ADCY9: variants seen among roughly 807,000 people sequenced by gnomAD.
ADCY9 encodes the protein adenylate cyclase 9.
A neutral mutation model predicts 101.5 loss-of-function variants in ADCY9; 50 were observed. The observed-to-expected ratio is 0.49, with a 90% CI of 0.39 to 0.62. ADCY9 has a LOEUF of 0.62. Among genes scored for constraint, ADCY9 ranks in the 20% least tolerant of loss-of-function variants. The pLI, the probability that ADCY9 is intolerant of heterozygous loss-of-function variation, is 0.00. For missense variants in ADCY9, 1,662 were observed against 1,800.4 expected, an observed-to-expected ratio of 0.92 and a Z score of 1.39; for synonymous variants, 905 against 769.3, an observed-to-expected ratio of 1.18 and a Z score of -2.92.
At chr16:3,975,487 C>T (rs1475552467) in intron 9 of ADCY9, among the ~76,000 whole-genome samples, 1 of 152,180 alleles carries the variant, frequency 6.6e-6, no homozygotes, top group Non-Finnish European at 1.5e-5. Context: ...CACCCCGTGC[C>T]TACTCCGTCT....
At chr16:4,023,460 T>C (rs570809221) in intron 2 of ADCY9, among the ~76,000 whole-genome samples, 1 of 151,690 alleles carries the variant, frequency 6.6e-6, no homozygotes, top group African/African-American at 2.4e-5. Context: ...GGTGTAGGTC[T>C]GGGGAAGGCA....
chr16:4,030,303 C>T (rs58484364), intron 2 of ADCY9, among the ~76,000 whole-genome samples: 9 of 152,118 alleles, frequency 5.9e-5, no homozygotes, highest in Admixed American at 2.6e-4. Flanking sequence ...GTGATATGAC[C>T]GAGAAGGCAC....
At chr16:3,990,837 T>G (rs1161537200) in intron 5 of ADCY9, among the ~76,000 whole-genome samples, 1 of 152,212 alleles carries the variant, frequency 6.6e-6, no homozygotes, top group African/African-American at 2.4e-5. Flanking sequence ...CTCGCTCTGT[T>G]GCCCAGGCTG....
intron 6 of ADCY9, among the ~76,000 whole-genome samples, chr16:3,985,828 G>A (rs1688431987): frequency 6.6e-6 from 1 of 152,096 alleles, no homozygotes; most frequent in South Asian, 2.1e-4. Flanking sequence ...CCCTGCCACA[G>A]CCTCCCCCTC....
chr16:3,989,680 T>G (rs994938951), intron 5 of ADCY9, among the ~76,000 whole-genome samples: 1 of 152,200 alleles, frequency 6.6e-6, no homozygotes, highest in Non-Finnish European at 1.5e-5. Context: ...AGGCTTGTTT[T>G]TGAAAACACA....
chr16:4,069,598 T>C (rs889517254), intron 2 of ADCY9, among the ~76,000 whole-genome samples: 7 of 152,138 alleles, frequency 4.6e-5, no homozygotes, highest in Non-Finnish European at 8.8e-5. Context: ...TCATCACCAA[T>C]TTGGCTGCTG....
Position 4,007,518 on chromosome 16 carries a change from C to A in ADCY9, c.1734G>T (p.Glu578Asp). 1 of 1,612,886 alleles carries A rather than the reference C, an allele frequency of 6.2e-7. No individual in the cohort carries two copies. The highest frequency in any genetic ancestry group is 8.5e-7 in the Non-Finnish European group (1 of 1,179,688). The change falls in exon 3 of 11, where the codon GAG (glutamate) becomes GAT (aspartate). Residue 578 changes from glutamate to aspartate, a missense_variant. Physicochemically the swap from Glu to Asp is conservative, Grantham distance 45 (BLOSUM62 2). Around this residue, in one of 5 missense-constraint regions of ADCY9, gnomAD observed 624 missense variants for 639.1 expected, o/e 0.98. Transcript: ENST00000294016. ...TYLISGQRAK[E>D]SRCSCAEALL... The stretch of plus-strand genomic sequence containing the variant: ...AGGCCTCTGCACAGCTGCAGCGAGA[C>A]TCCTTGGCTCTCTGACCCGATATCA...
At chr16:3,970,701 C>T (rs1317147537) in intron 10 of ADCY9, among the ~76,000 whole-genome samples, 1 of 152,236 alleles carries the variant, frequency 6.6e-6, no homozygotes, top group African/African-American at 2.4e-5. Flanking sequence ...AAACAATGAG[C>T]TTGACCTGTG....
intron 2 of ADCY9, among the ~76,000 whole-genome samples, chr16:4,091,431 C>T (rs1048670067): frequency 6.6e-6 from 1 of 152,310 alleles, no homozygotes; most frequent in East Asian, 1.9e-4. Context: ...AGAGTTACCG[C>T]GTGACCCAGC....
intron 2 of ADCY9, among the ~76,000 whole-genome samples, chr16:4,056,914 A>G (rs1156359833): frequency 2.0e-5 from 3 of 151,964 alleles, no homozygotes; most frequent in African/African-American, 7.2e-5. Flanking sequence ...GAGGTCCAGG[A>G]TGATGTGAGT....
At chr16:4,096,571 A>G (rs2057005118) in intron 2 of ADCY9, among the ~76,000 whole-genome samples, 1 of 152,214 alleles carries the variant, frequency 6.6e-6, no homozygotes, top group Non-Finnish European at 1.5e-5. Flanking sequence ...ATTAATGAAC[A>G]TCAGAAGCAG....
At chr16:4,097,553 A>AT (rs35732229) in intron 2 of ADCY9, among the ~76,000 whole-genome samples, 2,553 of 53,316 alleles carry the variant, frequency 0.048, 186 homozygotes, top group Non-Finnish European at 0.058. Context: ...ATATATATAT[A>AT]TTTTTTTTTT....
At chr16:4,014,939 CTTT>C (rs578260761) in intron 2 of ADCY9, among the ~76,000 whole-genome samples, 2 of 93,238 alleles carry the variant, frequency 2.1e-5, no homozygotes, top group African/African-American at 4.3e-5. Context: ...CTGTTTTGGC[CTTT>C]TTTTTTTTTT....
At chr16:4,091,330 T>G (rs2056972474) in intron 2 of ADCY9, among the ~76,000 whole-genome samples, 1 of 152,182 alleles carries the variant, frequency 6.6e-6, no homozygotes, top group Non-Finnish European at 1.5e-5. Context: ...TGCCTCAGCC[T>G]CCCAAAGTGT....
At chr16:4,107,773 C>T (rs548086753) in intron 2 of ADCY9, among the ~76,000 whole-genome samples, 1 of 152,190 alleles carries the variant, frequency 6.6e-6, no homozygotes, top group East Asian at 1.9e-4. Context: ...GGCCCGTGCT[C>T]AGGGTTAATG....
chr16:4,033,471 G>A (rs1277701610), intron 2 of ADCY9, among the ~76,000 whole-genome samples: 1 of 137,404 alleles, frequency 7.3e-6, no homozygotes, highest in African/African-American at 2.8e-5. Flanking sequence ...GTCTTGCTCT[G>A]TCGCCAGGCC....
chr16:4,006,298 G>A (rs1358013977), intron 3 of ADCY9, among the ~76,000 whole-genome samples: 1 of 152,190 alleles, frequency 6.6e-6, no homozygotes, highest in East Asian at 1.9e-4. Context: ...AATGCCAGCG[G>A]TGCCAAGGTG....
intron 10 of ADCY9, among the ~76,000 whole-genome samples, chr16:3,972,609 T>C (rs975239064): frequency 1.1e-4 from 16 of 152,140 alleles, no homozygotes; most frequent in African/African-American, 3.6e-4. Context: ...TAAAATACAG[T>C]GTAATCCGTT....
chr16:3,972,297 T>C (rs2056059155), intron 10 of ADCY9, among the ~76,000 whole-genome samples: 1 of 151,878 alleles, frequency 6.6e-6, no homozygotes, highest in African/African-American at 2.4e-5. Context: ...TGGTGCGATC[T>C]AGGCTCACTG....
Sources: gnomAD v4.1 joint callset for allele counts (sites outside exome capture counted in the v4.1 genomes callset) on GRCh38, gnomAD v4.1.1 for gene constraint, gnomAD v4.1.1 regional missense constraint, MANE v1.5 for transcripts, NCBI Gene and HGNC (gene_info 2026-07-23, HGNC 2026-07-21) for gene names.